RAPGEF4: variants seen among roughly 807,000 people sequenced by gnomAD.
RAPGEF4 encodes Rap guanine nucleotide exchange factor 4, also known as RAP guanine-nucleotide-exchange factor (GEF) 4.
RAPGEF4 carries 66 observed loss-of-function variants against 147.9 expected under a neutral mutation model. The observed-to-expected ratio is 0.45, with a 90% confidence interval of 0.37 to 0.55. The LOEUF is 0.55. Among genes scored for constraint, RAPGEF4 ranks in the 20% least tolerant of loss-of-function variants. RAPGEF4 has a pLI of 0.00. For synonymous variants in RAPGEF4, 419 were observed against 442.7 expected, an observed-to-expected ratio of 0.95 and a Z score of 0.67; for missense variants, 1,071 against 1,257.3, an observed-to-expected ratio of 0.85 and a Z score of 2.24.
chr2:172,981,044 G>T (rs920530519), intron 10 of RAPGEF4, among the ~76,000 whole-genome samples: 1 of 152,124 alleles, frequency 6.6e-6, no homozygotes, highest in African/African-American at 2.4e-5. Flanking sequence ...ATAGAGATCT[G>T]CTCCCAAAAT....
rs187447549 is a variant in RAPGEF4, at chr2:172,774,440, C to A, written c.66-20585C>A. ...AACTCCAAACCATTGGAACTACTGG[C>A]TGTTCCTGGCCTGTCATTTCCTACC... On this transcript the variant is annotated intron_variant, in intron 1 of 30. Transcript: ENST00000397081. Among the ~76,000 whole-genome samples, 215 of 152,326 alleles carry A rather than the reference C, an allele frequency of 1.4e-3. 1 individual carries two copies. The highest frequency in any genetic ancestry group is 4.9e-3 in the African/African-American group (203 of 41,570).
chr2:172,750,230 GTC>G (rs756195420), intron 1 of RAPGEF4, among the ~76,000 whole-genome samples: 7 of 151,858 alleles, frequency 4.6e-5, no homozygotes, highest in Non-Finnish European at 8.8e-5. Flanking sequence ...TACTGTATTA[GTC>G]TCTGTTTATG....
intron 5 of RAPGEF4, among the ~76,000 whole-genome samples, chr2:172,919,551 G>A (rs541232975): frequency 6.6e-6 from 1 of 152,134 alleles, no homozygotes; most frequent in East Asian, 1.9e-4. Context: ...TTATGGAAGA[G>A]TTTAGCCATG....
intron 1 of RAPGEF4, among the ~76,000 whole-genome samples, chr2:172,775,729 A>G (rs1684098663): frequency 6.6e-6 from 1 of 152,210 alleles, no homozygotes; most frequent in Non-Finnish European, 1.5e-5. Flanking sequence ...GTCTAACAAA[A>G]GTTTATAAAA....
At chr2:172,965,965 G>A (rs548996742) in intron 9 of RAPGEF4, among the ~76,000 whole-genome samples, 4 of 152,314 alleles carry the variant, frequency 2.6e-5, no homozygotes, top group African/African-American at 9.6e-5. Flanking sequence ...TTGCATTCAC[G>A]GTTCATTGAT....
chr2:172,798,249 A>G (rs1267112665), intron 3 of RAPGEF4, among the ~76,000 whole-genome samples: 1 of 152,198 alleles, frequency 6.6e-6, no homozygotes, highest in Non-Finnish European at 1.5e-5. Context: ...ATTTATGAAT[A>G]TTAAAAAAAC....
At chr2:172,786,499 G>C (rs573245761) in intron 1 of RAPGEF4, among the ~76,000 whole-genome samples, 1 of 152,200 alleles carries the variant, frequency 6.6e-6, no homozygotes, top group Non-Finnish European at 1.5e-5. Flanking sequence ...GGATGTGTTC[G>C]GTGAATGGAG....
Position 172,922,051 on chromosome 2 carries a change from A to C in RAPGEF4, c.518-230A>C, listed in dbSNP as rs556946070. On this transcript the variant is annotated intron_variant, in intron 5 of 30. Coordinates refer to ENST00000397081, the MANE Select transcript of RAPGEF4 (RefSeq NM_007023.4). ...GTAAACCATATGGTAGACGCAAAAT[A>C]AGCCTGGGTTTTGGTGTCTGGGCAC... Among the ~76,000 whole-genome samples the C allele has an allele frequency of 1.6e-3, 246 of 152,334 alleles. 1 individual carries two copies. The highest frequency in any genetic ancestry group is 0.01 in the Middle Eastern group (3 of 294).
At chr2:173,030,743 C>T (rs1697117431) in intron 26 of RAPGEF4, among the ~76,000 whole-genome samples, 1 of 152,158 alleles carries the variant, frequency 6.6e-6, no homozygotes, top group African/African-American at 2.4e-5. Context: ...TAAGTGTCGC[C>T]TCACCACCTG....
chr2:172,899,664 G>A (rs2553014), intron 4 of RAPGEF4, among the ~76,000 whole-genome samples: 141,503 of 152,152 alleles, frequency 0.93, 66,636 homozygotes, highest in East Asian at 1. Context: ...AGGATGATCC[G>A]TTTTTCTGCT....
chr2:172,869,223 C>T (rs1694956257), intron 4 of RAPGEF4, among the ~76,000 whole-genome samples: 1 of 152,102 alleles, frequency 6.6e-6, no homozygotes, highest in African/African-American at 2.4e-5. Context: ...ACAGGAAAGT[C>T]CTTCATAAAC....
At position 173,042,880 on chromosome 2, in the gene RAPGEF4, A is replaced by G. The variant is rs1162544541; in HGVS notation, c.2854-5720A>G. Among the ~76,000 whole-genome samples, 2 of 152,190 alleles carry G rather than the reference A, an allele frequency of 1.3e-5. No homozygotes were observed. Among genetic ancestry groups the G allele is most frequent in the Non-Finnish European group, 2.9e-5 (2 of 68,022 alleles). ...GGTCATCATATATACCACATACCGT[A>G]AGCATCATGCATGTGTTACACATGC... On this transcript the variant is annotated intron_variant, in intron 29 of 30. Transcript: ENST00000397081. This position sits in a 1 kb window ranked among gnomAD's most constrained non-coding sequence, Gnocchi z 4.2.
chr2:172,881,898 G>A (rs1453131241), intron 4 of RAPGEF4, among the ~76,000 whole-genome samples: 2 of 152,138 alleles, frequency 1.3e-5, no homozygotes, highest in African/African-American at 4.8e-5. Context: ...ACTCTCTGAG[G>A]GATGATGGAG....
At chr2:172,889,471 A>G (rs867869278) in intron 4 of RAPGEF4, among the ~76,000 whole-genome samples, 4 of 152,312 alleles carry the variant, frequency 2.6e-5, no homozygotes, top group Middle Eastern at 3.4e-3. Context: ...CTATCTGTTC[A>G]TAGAACTACT....
At chr2:172,888,916 G>A (rs1461611532) in intron 4 of RAPGEF4, among the ~76,000 whole-genome samples, 1 of 152,160 alleles carries the variant, frequency 6.6e-6, no homozygotes, top group Non-Finnish European at 1.5e-5. Flanking sequence ...ACCTGGCAGA[G>A]AGCCCAGTTG....
chr2:172,995,724 GA>G (rs1315396288), intron 15 of RAPGEF4, among the ~76,000 whole-genome samples: 2 of 152,148 alleles, frequency 1.3e-5, no homozygotes, highest in Admixed American at 1.3e-4. Context: ...GTATGATTTT[GA>G]AACAGTTCAC....
intron 30 of RAPGEF4, among the ~76,000 whole-genome samples, chr2:173,049,379 A>G (rs920107379): frequency 2.0e-5 from 3 of 152,196 alleles, no homozygotes; most frequent in African/African-American, 7.2e-5. Flanking sequence ...GGCTCCCTCA[A>G]TCTGGTCTGG....
At chr2:172,952,670 T>G (rs542856727) in intron 6 of RAPGEF4, among the ~76,000 whole-genome samples, 1 of 152,244 alleles carries the variant, frequency 6.6e-6, no homozygotes, top group South Asian at 2.1e-4. Flanking sequence ...AAGAGAACCA[T>G]TCTTACTGGT....
Position 172,860,062 on chromosome 2 carries a change from C to T in RAPGEF4, c.444+45637C>T, listed in dbSNP as rs568819696. 59 of 985,346 alleles carry T rather than the reference C, an allele frequency of 6.0e-5. No individual in the cohort carries two copies. In the South Asian group the frequency reaches 1.2e-3, roughly 20 times the overall value. The allele number at this position is 985,346 out of a possible 1,614,324, so 61.0% of individuals were successfully genotyped here. A position where few individuals can be genotyped will look rare whatever the true frequency, so the allele number is the denominator to read the frequency against. ...TAATTTAGATTACCAATGATAAAGC[C>T]GGGGCTACGGCTAAAGAAAGGTAGG... On this transcript the variant is annotated intron_variant, in intron 4 of 30. Coordinates refer to ENST00000397081, the MANE Select transcript of RAPGEF4 (RefSeq NM_007023.4).
Sources: allele counts gnomAD v4.1 joint callset (sites outside exome capture counted in the v4.1 genomes callset), GRCh38; gene constraint gnomAD v4.1.1; non-coding constraint Gnocchi (gnomAD v3.1); transcripts MANE v1.5; gene names NCBI Gene and HGNC (gene_info 2026-07-23, HGNC 2026-07-21).